The following ZNF638 variants were observed in gnomAD, a reference collection of about 807,000 sequenced individuals.
ZNF638 encodes CTCL tumor antigen se33-1.
Under a neutral mutation model 195.6 loss-of-function variants are expected in ZNF638, and 46 were observed. That is an observed-to-expected ratio of 0.24 (90% CI 0.19 to 0.30). The LOEUF is 0.30. Ranked by LOEUF, ZNF638 falls within the 10% of genes least tolerant of loss-of-function variation. ZNF638 has a pLI of 1.00. For synonymous variants in ZNF638, 845 were observed against 772.0 expected, an observed-to-expected ratio of 1.09 and a Z score of -1.57; for missense variants, 2,440 against 2,325.3, an observed-to-expected ratio of 1.05 and a Z score of -1.01.
chr2:71,399,426 A>G (rs2079960824), intron 12 of ZNF638, 133 bp from the exon 13 acceptor site: 1 of 640,048 alleles, frequency 1.6e-6, no homozygotes, highest in Non-Finnish European at 2.7e-6. Flanking sequence ...CTGAAAATAA[A>G]TAGAAATAAT....
In ZNF638 at chr2:71,380,521, C is replaced by A; in HGVS notation, c.2333C>A (p.Ala778Glu). The A allele has an allele frequency of 6.9e-6, 11 of 1,605,192 alleles. No individual in the cohort carries two copies. The highest frequency in any genetic ancestry group is 8.5e-6 in the Non-Finnish European group (10 of 1,176,744). The change falls in exon 10 of 28, where the codon GCA becomes GAA. Residue 778 changes from alanine (A) to glutamate (E), a missense_variant. Coordinates refer to ENST00000264447, the MANE Select transcript of ZNF638 (RefSeq NM_014497.5). ...TTTCTCCTTTTAAATAGAAGAGATG[C>A]AGATGCTTCAAAAGCTGTTGAAATT... ...KVSASTLKRD[A>E]DASKAVEIVT...
intron 2 of ZNF638, among the ~76,000 whole-genome samples, chr2:71,355,179 A>G (rs1258250129): frequency 6.6e-6 from 1 of 152,014 alleles, no homozygotes; most frequent in Non-Finnish European, 1.5e-5. Context: ...AGTAGTGTCG[A>G]TCTCCTGAAC....
At chr2:71,338,997 C>A (rs1015509981) in intron 1 of ZNF638, among the ~76,000 whole-genome samples, 1 of 152,160 alleles carries the variant, frequency 6.6e-6, no homozygotes, top group Non-Finnish European at 1.5e-5. Context: ...CTGTATTATT[C>A]TTCCTTTGTT....
At chr2:71,346,891 G>A (rs946987542) in intron 1 of ZNF638, among the ~76,000 whole-genome samples, 7 of 152,056 alleles carry the variant, frequency 4.6e-5, no homozygotes, top group Non-Finnish European at 1.0e-4. Context: ...TAGCATGGTG[G>A]CACATGCCTG....
intron 23 of ZNF638, among the ~76,000 whole-genome samples, chr2:71,425,840 T>C (rs1029465330): frequency 2.6e-5 from 4 of 152,102 alleles, no homozygotes; most frequent in African/African-American, 7.2e-5. Flanking sequence ...AATTTTTGTA[T>C]TTTTAGTAGA....
chr2:71,348,566 C>T, intron 1 of ZNF638, 187 bp from the exon 2 acceptor site: 2 of 1,190,736 alleles, frequency 1.7e-6, no homozygotes, highest in Non-Finnish European at 2.1e-6. Flanking sequence ...TTGTGTTCTG[C>T]ATTCAGGAAA....
rs200279719 is a variant in ZNF638 at position 71,349,315 on chromosome 2, G to C, written c.361G>C (p.Val121Leu). Residue 121 changes from valine (V) to leucine (L), a missense_variant, in exon 2 of 28, where the codon GTA becomes CTA. By Grantham distance (32) the Val-to-Leu change is conservative (BLOSUM62 1). Coordinates refer to ENST00000264447, the MANE Select transcript of ZNF638 (RefSeq NM_014497.5). Reference sequence around the variant, plus strand: ...ATCAGTGGCAGTGAAACAGAGTTCTGTAACACAGGTTACAGAGCAGAGTCC... The same window carrying C: ...ATCAGTGGCAGTGAAACAGAGTTCTCTAACACAGGTTACAGAGCAGAGTCC... ...SASVAVKQSSVTQVTEQSPKV... is the reference protein window; with the variant it reads ...SASVAVKQSSLTQVTEQSPKV... The C allele has an allele frequency of 9.3e-6, 15 of 1,614,070 alleles. No individual in the cohort carries two copies. In the Middle Eastern group the frequency reaches 4.9e-4, roughly 53 times the overall value.
chr2:71,429,327 G>A (rs1022712112), intron 25 of ZNF638, among the ~76,000 whole-genome samples: 2 of 152,110 alleles, frequency 1.3e-5, no homozygotes, highest in African/African-American at 4.8e-5. Flanking sequence ...TTGGTCCAAG[G>A]ATTTCAGGTG....
chr2:71,422,272 G>C (rs1156598550), intron 21 of ZNF638, among the ~76,000 whole-genome samples: 3 of 151,494 alleles, frequency 2.0e-5, no homozygotes, highest in Non-Finnish European at 2.9e-5. Flanking sequence ...TATGGTTCTT[G>C]GGTAATTAAA....
intron 3 of ZNF638, among the ~76,000 whole-genome samples, chr2:71,360,356 A>G (rs2079088164): frequency 6.6e-6 from 1 of 152,222 alleles, no homozygotes; most frequent in African/African-American, 2.4e-5. Context: ...TGTTCTGCAT[A>G]ACCACAATAC....
Position 71,352,334 on chromosome 2 carries a change from C to T in ZNF638, c.1317+2063C>T, listed in dbSNP as rs375592274. ...CTCTACTAAAAATACAAGAATTAGC[C>T]GGGTGTGGTCATGCGCACCTGTAAT... On this transcript the variant is annotated intron_variant, in intron 2 of 27. Transcript: ENST00000264447. 3.2e-4 allele frequency among the ~76,000 whole-genome samples: 49 copies of T among 151,806 alleles called. 1 individual carries two copies. The highest frequency in any genetic ancestry group is 1.0e-3 in the African/African-American group (43 of 41,396).
At chr2:71,388,645 G>C (rs952651108) in intron 10 of ZNF638, 3 of 867,380 alleles carry the variant, frequency 3.5e-6, no homozygotes, top group East Asian at 2.4e-5. Context: ...AGACTCAGCA[G>C]CTGGTGCCCC....
chr2:71,347,690 C>T (rs1189333956), intron 1 of ZNF638, among the ~76,000 whole-genome samples: 3 of 152,126 alleles, frequency 2.0e-5, no homozygotes, highest in African/African-American at 7.2e-5. Flanking sequence ...GACCTTGGTC[C>T]TGAATGGTAG....
chr2:71,434,302 G>A (rs911520986), intron 27 of ZNF638, among the ~76,000 whole-genome samples: 1 of 152,090 alleles, frequency 6.6e-6, no homozygotes, highest in East Asian at 1.9e-4. Context: ...CGCATGGCCA[G>A]TTCTTCATGT....
At chr2:71,333,766 ATC>A (rs2078615090) in intron 1 of ZNF638, among the ~76,000 whole-genome samples, 1 of 152,094 alleles carries the variant, frequency 6.6e-6, no homozygotes, top group Admixed American at 6.5e-5. Flanking sequence ...TTGTTTCCTT[ATC>A]TCTAAAATGG....
intron 10 of ZNF638, chr2:71,388,747 G>A: frequency 1.8e-6 from 2 of 1,087,362 alleles, no homozygotes; most frequent in Non-Finnish European, 2.8e-6. Context: ...GCCCACTCGG[G>A]ATATCCAAGT....
At chr2:71,409,351 G>T (rs1055369268) in intron 20 of ZNF638, among the ~76,000 whole-genome samples, 1 of 152,048 alleles carries the variant, frequency 6.6e-6, no homozygotes, top group Non-Finnish European at 1.5e-5. Context: ...AGACTGAAAT[G>T]TTACTTCTTT....
In ZNF638 at chr2:71,393,413, A is replaced by G. The variant is rs918222766; in HGVS notation, c.2378-2728A>G. ...CCTCAGGCCCTCTTTGGATTCCAGT[A>G]CGATGCATCAGACCATACCATGGCG... On this transcript the variant is annotated intron_variant, in intron 10 of 27. Transcript: ENST00000264447. 10 of 718,674 alleles carry G rather than the reference A, an allele frequency of 1.4e-5. No individual in the cohort carries two copies. The African/African-American group carries it at 1.4e-4, about 10-fold the overall frequency. The allele number at this position is 718,674 out of a possible 1,614,324, so 44.5% of individuals were successfully genotyped here. A position where few individuals can be genotyped will look rare whatever the true frequency, so the allele number is the denominator to read the frequency against.
rs1389659358 is a variant in ZNF638, at chr2:71,369,887, A to T, written c.2147A>T (p.Tyr716Phe). The change falls in exon 8 of 28, where the codon TAC (tyrosine) becomes TTC (phenylalanine). Residue 716 changes from tyrosine (Y) to phenylalanine (F), a missense_variant. Around this residue, in one of 5 missense-constraint regions of ZNF638, gnomAD observed 1,883 missense variants for 1,739.1 expected, o/e 1.08. Coordinates refer to ENST00000264447, the MANE Select transcript of ZNF638 (RefSeq NM_014497.5). ...ATGGAATAAATTTCATTTTAGGCTT[A>T]CCTAGAAATGGAATTTAAAGAGGCA... ...VLIVPYRKEA[Y>F]LEMEFKEAIT... is the part of the protein sequence containing the mutation. 2 of 1,574,908 alleles carry T rather than the reference A, an allele frequency of 1.3e-6. No individual in the cohort carries two copies. Among genetic ancestry groups the T allele is most frequent in the African/African-American group, 1.4e-5 (1 of 72,454 alleles).
Sources: allele counts gnomAD v4.1 joint callset (sites outside exome capture counted in the v4.1 genomes callset), GRCh38; gene constraint gnomAD v4.1.1; regional missense constraint gnomAD v4.1.1; transcripts MANE v1.5; gene names NCBI Gene and HGNC (gene_info 2026-07-23, HGNC 2026-07-21).